TAF1: variants seen among roughly 807,000 people sequenced by gnomAD.
TAF1 encodes transcription initiation factor TFIID subunit 1.
A neutral mutation model predicts 138.5 loss-of-function variants in TAF1; 2 were observed. The ratio of observed to expected loss-of-function variants is 0.01; its 90% CI spans 0.01 to 0.05. The LOEUF (loss-of-function observed/expected upper bound fraction) is 0.05, where lower values mean the gene tolerates loss of function less well. Among genes scored for constraint, TAF1 ranks in the 10% least tolerant of loss-of-function variants. The probability of loss-of-function intolerance (pLI) is 1.00; values close to 1 mark genes in which losing one functional copy is unlikely to be tolerated. For missense variants in TAF1, 709 were observed against 1,478.0 expected, an observed-to-expected ratio of 0.48 and a Z score of 8.53; for synonymous variants, 437 against 503.2, an observed-to-expected ratio of 0.87 and a Z score of 1.76.
At chrX:71,525,675 C>G (rs1486388270) in intron 13 of TAF1, among the ~76,000 whole-genome samples, 2 of 108,350 alleles carry the variant, frequency 1.8e-5, no homozygotes, top group African/African-American at 3.4e-5. Context: ...TTTTTTGAGA[C>G]AGGGTCTTGC....
At chrX:71,371,031 T>G (rs1373707469) in intron 3 of TAF1, among the ~76,000 whole-genome samples, 1 of 111,877 alleles carries the variant, frequency 8.9e-6, no homozygotes, top group Non-Finnish European at 1.9e-5. Flanking sequence ...CTGTCATTTT[T>G]GGGCACCCTG....
chrX:71,367,435 A>G, intron 1 of TAF1, 64 bp from the exon 2 acceptor site: 1 of 1,142,921 alleles, frequency 8.7e-7, no homozygotes, highest in South Asian at 1.9e-5. Context: ...CAGGGAAATA[A>G]GTCCTGTGGT....
At chrX:71,468,495 G>A (rs1021195443), downstream of TAF1, among the ~76,000 whole-genome samples, 7 of 108,433 alleles carry the variant, frequency 6.5e-5, no homozygotes, top group Non-Finnish European at 9.6e-5. Context: ...AGACCAGCCT[G>A]GCCAACATGG....
chrX:71,500,582 C>T (rs1602858818), intron 13 of TAF1, among the ~76,000 whole-genome samples: 1 of 94,502 alleles, frequency 1.1e-5, no homozygotes, highest in East Asian at 3.5e-4. Context: ...GGCCCCTGGA[C>T]CCTGCTGATT....
At chrX:71,497,187 C>T (rs1003949096) in intron 13 of TAF1, among the ~76,000 whole-genome samples, 11 of 111,127 alleles carry the variant, frequency 9.9e-5, no homozygotes, top group Non-Finnish European at 1.1e-4. Flanking sequence ...GAACTTCCAT[C>T]GGTATATAGG....
intron 13 of TAF1, among the ~76,000 whole-genome samples, chrX:71,495,861 A>G (rs1201495420): frequency 8.9e-6 from 1 of 112,087 alleles, no homozygotes; most frequent in Non-Finnish European, 1.9e-5. Flanking sequence ...TGATTTCCAT[A>G]AGATTAGAAG....
chrX:71,407,899 A>G, intron 27 of TAF1, 75 bp from the exon 28 acceptor site: 1 of 1,133,895 alleles, frequency 8.8e-7, no homozygotes, highest in Non-Finnish European at 1.2e-6. Context: ...GTAGATAGGT[A>G]AGATGTGAAA....
Position 71,383,125 on chromosome X carries a change from A to C in TAF1, c.1908A>C (p.Ser636=), listed in dbSNP as rs769437317. 7 of 1,210,756 alleles carry C rather than the reference A, an allele frequency of 5.8e-6. No homozygotes were observed. Among genetic ancestry groups the C allele is most frequent in the Non-Finnish European group, 6.7e-6 (6 of 895,377 alleles). The part of the protein sequence containing the change: ...FGALSQPGPH[S]VQPLLKHIKK... ...CACTTTCTCAGCCAGGTCCCCACTC[A>C]GTCCAACCTTTGCTAAAGCACATCA... Residue 636 remains serine (S), a synonymous_variant, in exon 12 of 38, where the codon TCA becomes TCC. Transcript: ENST00000423759.
At chrX:71,458,861 G>T (rs1376891368) in intron 35 of TAF1, among the ~76,000 whole-genome samples, 2 of 111,783 alleles carry the variant, frequency 1.8e-5, no homozygotes, top group Non-Finnish European at 3.8e-5. Context: ...ATCCCAAAGA[G>T]TTCAACACAA....
downstream of TAF1, chrX:71,466,010 T>C (rs1199367727): frequency 9.0e-6 from 1 of 111,685 alleles, no homozygotes; most frequent in Admixed American, 9.6e-5. Flanking sequence ...ATTCCAGCAG[T>C]AGTGTGGAGA....
chrX:71,376,030 G>C (rs1028302021), intron 4 of TAF1, among the ~76,000 whole-genome samples: 22 of 112,165 alleles, frequency 2.0e-4, no homozygotes, highest in Admixed American at 1.9e-4. Context: ...AGATTTCAAA[G>C]GCTAGTAGAG....
At chrX:71,391,070 G>A (rs1287101620) in intron 18 of TAF1, among the ~76,000 whole-genome samples, 4 of 110,635 alleles carry the variant, frequency 3.6e-5, no homozygotes, top group Non-Finnish European at 5.7e-5. Flanking sequence ...AGGCTCAAAC[G>A]ATCGTCCTGC....
rs1247710711 is a variant in TAF1 at position 71,407,968 on chromosome X, T to C, written c.4207-6T>C. The C allele has an allele frequency of 4.1e-6, 5 of 1,205,188 alleles. No individual in the cohort carries two copies. Among genetic ancestry groups the C allele is most frequent in the Middle Eastern group, 2.4e-4 (1 of 4,209 alleles). ...GCTGATGTATGGTTCTGGCCCTTGT[T>C]TGCAGACATACCCTTTCCACACTCC... On this transcript the variant is annotated splice_polypyrimidine_tract_variant and splice_region_variant and intron_variant, in intron 27 of 37. Coordinates refer to ENST00000423759, the MANE Select transcript of TAF1 (RefSeq NM_004606.5).
At chrX:71,385,602 T>C (rs1033362905) in intron 14 of TAF1, among the ~76,000 whole-genome samples, 2 of 110,811 alleles carry the variant, frequency 1.8e-5, no homozygotes, top group Non-Finnish European at 3.8e-5. Flanking sequence ...TCCCATCTTG[T>C]TTTTTTTCTC....
intron 13 of TAF1, 77 bp downstream of exon 13, chrX:71,384,212 TTTG>T (rs1323140245): frequency 1.8e-6 from 2 of 1,105,616 alleles, no homozygotes; most frequent in Non-Finnish European, 2.4e-6. Flanking sequence ...GTACAAACTT[TTTG>T]TTATTAACAT....
chrX:71,435,753 C>T (rs769700623), intron 32 of TAF1, among the ~76,000 whole-genome samples: 23 of 111,381 alleles, frequency 2.1e-4, no homozygotes, highest in Non-Finnish European at 3.6e-4. Flanking sequence ...TTCTGACATA[C>T]GGAAACTTCA....
At position 71,397,315 on chromosome X, in the gene TAF1, C is replaced by T. The variant is rs2034911768; in HGVS notation, c.3469C>T (p.Leu1157Phe). 8.3e-7 allele frequency: 1 copy of T among 1,211,544 alleles called. No homozygotes were observed. The highest frequency in any genetic ancestry group is 1.1e-6 in the Non-Finnish European group (1 of 895,540). ...TGATGACACAGCTTCCGTGACTAGC[C>T]TTAACTCTTCTGCCACTGGACGCTG... ...RDDDTASVTS[L>F]NSSATGRCLK... Residue 1157 changes from leucine (L) to phenylalanine (F), a missense_variant, in exon 23 of 38, where the codon CTT becomes TTT. Leu to Phe is a conservative substitution (Grantham distance 22, BLOSUM62 0). Transcript: ENST00000423759.
intron 28 of TAF1, chrX:71,420,264 G>T: frequency 2.1e-6 from 2 of 974,797 alleles, no homozygotes; most frequent in Non-Finnish European, 1.5e-6. Context: ...GGTTCATTTT[G>T]GGATCACCTT....
intron 32 of TAF1, among the ~76,000 whole-genome samples, chrX:71,452,109 ACCC>A (rs41443746): frequency 2.0e-5 from 1 of 50,589 alleles, no homozygotes; most frequent in African/African-American, 6.8e-5. Context: ...CGGGGGGCTG[ACCC>A]CCCCCCCCAC....
Sources: gnomAD v4.1 joint callset for allele counts (sites outside exome capture counted in the v4.1 genomes callset) on GRCh38, gnomAD v4.1.1 for gene constraint, MANE v1.5 for transcripts, NCBI Gene and HGNC (gene_info 2026-07-23, HGNC 2026-07-21) for gene names.